ARFGEF1: variants seen among roughly 807,000 people sequenced by gnomAD.
ARFGEF1 encodes brefeldin A-inhibited guanine nucleotide-exchange protein 1.
ARFGEF1 carries 42 observed loss-of-function variants against 231.0 expected under a neutral mutation model. The ratio of observed to expected loss-of-function variants is 0.18; its 90% CI spans 0.14 to 0.24. The LOEUF (loss-of-function observed/expected upper bound fraction) is 0.24. ARFGEF1 is among the 10% of genes least tolerant of loss of function. The probability of loss-of-function intolerance (pLI) is 1.00; values close to 1 mark genes in which losing one functional copy is unlikely to be tolerated. For synonymous variants in ARFGEF1, 710 were observed against 732.3 expected (o/e 0.97, Z 0.49); for missense variants, 1,345 against 2,192.0 (o/e 0.61, Z 7.72).
intron 33 of ARFGEF1, among the ~76,000 whole-genome samples, chr8:67,213,379 C>T (rs1587053643): frequency 6.6e-6 from 1 of 152,042 alleles, no homozygotes; most frequent in African/African-American, 2.4e-5. Context: ...GATAAGTGGG[C>T]ATTGTGTTTA....
At chr8:67,328,808 C>G (rs895885237) in intron 1 of ARFGEF1, among the ~76,000 whole-genome samples, 2 of 152,054 alleles carry the variant, frequency 1.3e-5, no homozygotes, top group African/African-American at 4.8e-5. Flanking sequence ...AGAATGTTTT[C>G]ATAAATCAAT....
chr8:67,321,099 G>A (rs1044400410), intron 1 of ARFGEF1, among the ~76,000 whole-genome samples: 5 of 147,592 alleles, frequency 3.4e-5, no homozygotes, highest in Non-Finnish European at 6.0e-5. Flanking sequence ...TTCTTAAAAC[G>A]ACAGAGAACA....
chr8:67,232,267 C>T (rs1192140929), intron 23 of ARFGEF1, among the ~76,000 whole-genome samples: 2 of 151,882 alleles, frequency 1.3e-5, no homozygotes, highest in Non-Finnish European at 2.9e-5. Flanking sequence ...CTAGAAAAAG[C>T]TAAACTTCAA....
chr8:67,190,696 T>G, intron 5 of ARFGEF1: 2 of 1,614,088 alleles, frequency 1.2e-6, no homozygotes, highest in Non-Finnish European at 1.7e-6. Flanking sequence ...ACGTCCTCCC[T>G]CCACCATCAC....
downstream of ARFGEF1, chr8:67,196,242 ATTT>A (rs999505301): frequency 6.6e-6 from 1 of 152,194 alleles, no homozygotes; most frequent in South Asian, 2.1e-4. Context: ...ATATAAATAA[ATTT>A]TTATTTTAAT....
Position 67,276,105 on chromosome 8 carries a change from G to A in ARFGEF1, c.1208C>T (p.Ser403Phe). 1 of 1,612,946 alleles carries A rather than the reference G, an allele frequency of 6.2e-7. No homozygotes were observed. The highest frequency in any genetic ancestry group is 8.5e-7 in the Non-Finnish European group (1 of 1,179,234). The change falls in exon 9 of 39, where the codon TCT becomes TTT. Residue 403 changes from serine to phenylalanine, a missense_variant. Physicochemically the swap from Ser to Phe is radical, Grantham distance 155. Coordinates refer to ENST00000262215, the MANE Select transcript of ARFGEF1 (RefSeq NM_006421.5). Reference protein sequence around the residue: ...LSVSSNDTQESGNSSGPSPGA... With the variant: ...LSVSSNDTQEFGNSSGPSPGA... ...AGGTGAAGGTCCTGAAGAATTTCCA[G>A]ATTCCTAAACAAGTTAACATACCAT...
intron 5 of ARFGEF1, among the ~76,000 whole-genome samples, chr8:67,180,476 G>T (rs184012141): frequency 9.2e-5 from 14 of 152,288 alleles, no homozygotes; most frequent in Admixed American, 5.9e-4. Context: ...CAAGAAGAGG[G>T]ATCCTTGTGG....
chr8:67,333,532 T>C (rs772027423), intron 1 of ARFGEF1, among the ~76,000 whole-genome samples: 38 of 152,056 alleles, frequency 2.5e-4, no homozygotes, highest in African/African-American at 4.6e-4. Context: ...CAGGTTGGTA[T>C]TGAACTCCTG....
At chr8:67,315,903 A>T (rs1807290095) in intron 1 of ARFGEF1, among the ~76,000 whole-genome samples, 1 of 152,114 alleles carries the variant, frequency 6.6e-6, no homozygotes. Context: ...CTAAGCTCCC[A>T]CCTTAAGAAA....
At chr8:67,208,271 T>TA (rs1838591288) in intron 34 of ARFGEF1, among the ~76,000 whole-genome samples, 1 of 152,174 alleles carries the variant, frequency 6.6e-6, no homozygotes, top group East Asian at 1.9e-4. Flanking sequence ...CATCTAGGAT[T>TA]AAAAAATTCC....
chr8:67,204,196 C>T (rs1460324615), intron 35 of ARFGEF1, among the ~76,000 whole-genome samples: 1 of 152,174 alleles, frequency 6.6e-6, no homozygotes, highest in Non-Finnish European at 1.5e-5. Flanking sequence ...CTCTCTCTCT[C>T]TCCCCATTAT....
rs1806744521 is a variant in ARFGEF1 at position 67,306,342 on chromosome 8, G to A, written c.125-3876C>T. On this transcript the variant is annotated intron_variant, in intron 1 of 38. Transcript: ENST00000262215. Reference sequence around the variant, plus strand: ...AGATTTCATCATGCTACTAAGAATGGTGTACAATTTAAAACTTAACAATTG... The same window carrying A: ...AGATTTCATCATGCTACTAAGAATGATGTACAATTTAAAACTTAACAATTG... 2.6e-5 allele frequency among the ~76,000 whole-genome samples: 4 copies of A among 152,294 alleles called. No individual in the cohort carries two copies. The South Asian group carries it at 8.3e-4, about 32-fold the overall frequency.
chr8:67,304,041 C>T (rs1484363716), intron 1 of ARFGEF1, among the ~76,000 whole-genome samples: 13 of 152,154 alleles, frequency 8.5e-5, no homozygotes, highest in Non-Finnish European at 1.8e-4. Flanking sequence ...ACTACAGATT[C>T]TGGTTTATTA....
At chr8:67,252,426 C>G (rs1476258775) in intron 18 of ARFGEF1, among the ~76,000 whole-genome samples, 1 of 152,058 alleles carries the variant, frequency 6.6e-6, no homozygotes, top group East Asian at 1.9e-4. Flanking sequence ...CCACCATCTC[C>G]TTTCCATTTC....
At chr8:67,227,858 A>G (rs900114278) in intron 25 of ARFGEF1, 105 bp downstream of exon 25, 9 of 1,010,612 alleles carry the variant, frequency 8.9e-6, no homozygotes, top group African/African-American at 8.4e-5. Context: ...ATTAAAAAGT[A>G]ATAAATAATT....
In ARFGEF1 at chr8:67,217,823, G is replaced by C; in HGVS notation, c.4572C>G (p.Cys1524Trp). The C allele has an allele frequency of 1.2e-6, 2 of 1,613,952 alleles. No individual in the cohort carries two copies. Among genetic ancestry groups the C allele is most frequent in the Non-Finnish European group, 8.5e-7 (1 of 1,179,906 alleles). The change falls in exon 32 of 39, where the codon TGC (cysteine) becomes TGG (tryptophan). Residue 1524 changes from cysteine (C) to tryptophan (W), a missense_variant. Physicochemically the swap from Cys to Trp is radical, Grantham distance 215. Around this residue, in one of 14 missense-constraint regions of ARFGEF1, gnomAD observed 54 missense variants for 86.5 expected, o/e 0.62. Coordinates refer to ENST00000262215, the MANE Select transcript of ARFGEF1 (RefSeq NM_006421.5). ...TTTTGAAGATATCCAGTGTGCAGTT[G>C]CAAGTTTTATCCCAGATTTCTAGGG... Reference protein sequence around the residue: ...KFTLEIWDKTCNCTLDIFKTT... With the variant: ...KFTLEIWDKTWNCTLDIFKTT...
At chr8:67,195,596 TAA>T, downstream of ARFGEF1, 1 of 1,613,446 alleles carries the variant, frequency 6.2e-7, no homozygotes, top group Non-Finnish European at 8.5e-7. Context: ...ATGGTTAAAA[TAA>T]ACCTGTACTG....
intron 1 of ARFGEF1, among the ~76,000 whole-genome samples, chr8:67,315,748 CTT>C (rs1276889858): frequency 1.3e-5 from 2 of 151,866 alleles, no homozygotes; most frequent in Non-Finnish European, 2.9e-5. Flanking sequence ...CAGAGGAAGT[CTT>C]AAGGGAAATT....
intron 33 of ARFGEF1, 106 bp from the exon 34 acceptor site, chr8:67,211,721 AT>A (rs1838759372): frequency 1.6e-6 from 1 of 636,334 alleles, no homozygotes; most frequent in Non-Finnish European, 2.3e-6. Flanking sequence ...CCCTATGAAA[AT>A]GATGTTTTAC....
Sources: gnomAD v4.1 joint callset for allele counts (sites outside exome capture counted in the v4.1 genomes callset) on GRCh38, gnomAD v4.1.1 for gene constraint, gnomAD v4.1.1 regional missense constraint, MANE v1.5 for transcripts, NCBI Gene and HGNC (gene_info 2026-07-23, HGNC 2026-07-21) for gene names.